ASTN2: variants seen among roughly 807,000 people sequenced by gnomAD.
ASTN2 encodes the protein astrotactin 2.
ASTN2 carries 54 observed loss-of-function variants against 139.8 expected under a neutral mutation model. The ratio of observed to expected loss-of-function variants is 0.39; its 90% CI spans 0.31 to 0.48. The LOEUF is 0.48. Ranked by LOEUF, ASTN2 falls within the 20% of genes least tolerant of loss-of-function variation. ASTN2 has a pLI of 0.95. For missense variants in ASTN2, 1,565 were observed against 1,725.1 expected (o/e 0.91, Z 1.64); for synonymous variants, 756 against 719.5 (o/e 1.05, Z -0.81).
chr9:117,376,966 A>T (rs1287017173), intron 1 of ASTN2, among the ~76,000 whole-genome samples: 4 of 152,176 alleles, frequency 2.6e-5, no homozygotes, highest in Non-Finnish European at 5.9e-5. Flanking sequence ...TCTCTTGCCT[A>T]TGCTCAAGGT....
intron 13 of ASTN2, among the ~76,000 whole-genome samples, chr9:116,768,666 T>C (rs185198421): frequency 6.6e-6 from 1 of 152,264 alleles, no homozygotes; most frequent in African/African-American, 2.4e-5. Context: ...CCCTCCTAAA[T>C]GGGTTTAGTG....
intron 12 of ASTN2, among the ~76,000 whole-genome samples, chr9:116,813,445 A>AT (rs745476183): frequency 2.6e-5 from 4 of 152,200 alleles, no homozygotes; most frequent in Non-Finnish European, 5.9e-5. Context: ...TCAAGGTCAC[A>AT]TGAGCATTTT....
intron 7 of ASTN2, among the ~76,000 whole-genome samples, chr9:116,989,922 G>A (rs988270161): frequency 4.6e-5 from 7 of 151,972 alleles, no homozygotes; most frequent in South Asian, 4.2e-4. Flanking sequence ...GTTTCTCAAC[G>A]TTGTTTTTGT....
chr9:116,989,540 C>T (rs1836784527), intron 7 of ASTN2, among the ~76,000 whole-genome samples: 1 of 151,886 alleles, frequency 6.6e-6, no homozygotes, highest in Admixed American at 6.6e-5. Flanking sequence ...TTCAGCTGAA[C>T]CCAGCTAATT....
chr9:116,967,273 C>T (rs1398708121), intron 10 of ASTN2, among the ~76,000 whole-genome samples: 1 of 152,156 alleles, frequency 6.6e-6, no homozygotes, highest in Non-Finnish European at 1.5e-5. Flanking sequence ...GAAACTGAGG[C>T]TCACAAAGTT....
At chr9:116,557,391 G>A (rs575588510) in intron 19 of ASTN2, among the ~76,000 whole-genome samples, 1 of 152,100 alleles carries the variant, frequency 6.6e-6, no homozygotes, top group Non-Finnish European at 1.5e-5. Flanking sequence ...TGGGAAGAGA[G>A]ATGCCTAACT....
At chr9:117,317,235 C>T (rs1169423693) in intron 1 of ASTN2, among the ~76,000 whole-genome samples, 6 of 152,118 alleles carry the variant, frequency 3.9e-5, no homozygotes, top group Admixed American at 1.3e-4. Context: ...AATAGCTTTG[C>T]ACTTCCTGAA....
chr9:116,499,065 C>T (rs1849766978), intron 19 of ASTN2, among the ~76,000 whole-genome samples: 2 of 152,282 alleles, frequency 1.3e-5, no homozygotes, highest in South Asian at 4.1e-4. Context: ...ATCCTCTGCA[C>T]CACCCCGACT....
At chr9:117,230,184 T>C (rs200306599) in intron 2 of ASTN2, among the ~76,000 whole-genome samples, 1 of 74,280 alleles carries the variant, frequency 1.3e-5, no homozygotes, top group Non-Finnish European at 2.9e-5. Flanking sequence ...TTCTTCAGGC[T>C]GAAAAAAAAA....
intron 2 of ASTN2, among the ~76,000 whole-genome samples, chr9:117,244,527 GGGAA>G (rs1299031563): frequency 6.7e-5 from 10 of 148,202 alleles, no homozygotes; most frequent in Non-Finnish European, 1.2e-4. Context: ...TAGAACAGTG[GGGAA>G]GGAAGGAAGG....
chr9:117,011,934 T>C (rs1837549130), intron 6 of ASTN2, among the ~76,000 whole-genome samples: 1 of 152,198 alleles, frequency 6.6e-6, no homozygotes, highest in South Asian at 2.1e-4. Flanking sequence ...TAGAGTAGTC[T>C]GTGAATTCCT....
chr9:116,896,584 G>T (rs1833884145), intron 10 of ASTN2, among the ~76,000 whole-genome samples: 1 of 152,136 alleles, frequency 6.6e-6, no homozygotes, highest in African/African-American at 2.4e-5. Flanking sequence ...CTCCCAAAGT[G>T]CTGGGATTAC....
At chr9:117,100,488 T>C (rs1828950334) in intron 4 of ASTN2, among the ~76,000 whole-genome samples, 1 of 152,240 alleles carries the variant, frequency 6.6e-6, no homozygotes, top group South Asian at 2.1e-4. Context: ...CATGTTAACA[T>C]GAAATTAACA....
chr9:116,688,848 G>A (rs1310074810), intron 16 of ASTN2, among the ~76,000 whole-genome samples: 2 of 151,682 alleles, frequency 1.3e-5, no homozygotes, highest in African/African-American at 4.8e-5. Flanking sequence ...TTTGGGCTCG[G>A]AGACAGACAA....
At chr9:117,046,790 T>C (rs1838757228) in intron 5 of ASTN2, among the ~76,000 whole-genome samples, 1 of 152,228 alleles carries the variant, frequency 6.6e-6, no homozygotes, top group Non-Finnish European at 1.5e-5. Flanking sequence ...CCAGTGCCTA[T>C]AGCATGCCTG....
intron 2 of ASTN2, among the ~76,000 whole-genome samples, chr9:117,278,100 C>T (rs1189679633): frequency 6.6e-6 from 1 of 152,146 alleles, no homozygotes; most frequent in Non-Finnish European, 1.5e-5. Flanking sequence ...TGACATATGC[C>T]CAGCTCCTCC....
At chr9:116,535,195 T>C (rs1409384558) in intron 19 of ASTN2, among the ~76,000 whole-genome samples, 1 of 152,182 alleles carries the variant, frequency 6.6e-6, no homozygotes, top group Non-Finnish European at 1.5e-5. Flanking sequence ...TCTGCCTTTT[T>C]GTATTTTCCT....
chr9:116,506,355 C>T (rs1638254315), intron 19 of ASTN2, among the ~76,000 whole-genome samples: 1 of 152,188 alleles, frequency 6.6e-6, no homozygotes, highest in African/African-American at 2.4e-5. Context: ...AGCTGCCAGA[C>T]TCAAATCCAA....
intron 11 of ASTN2, among the ~76,000 whole-genome samples, chr9:116,827,107 C>T (rs1349058118): frequency 2.0e-5 from 3 of 151,642 alleles, no homozygotes; most frequent in African/African-American, 7.3e-5. Context: ...GTCGGGAGTT[C>T]GAGACCAGCC....
Sources: gnomAD v4.1 joint callset for allele counts (sites outside exome capture counted in the v4.1 genomes callset) on GRCh38, gnomAD v4.1.1 for gene constraint, MANE v1.5 for transcripts, NCBI Gene and HGNC (gene_info 2026-07-23, HGNC 2026-07-21) for gene names.